Variants in GEMIN5 observed in about 807,000 individuals in gnomAD.
GEMIN5 encodes gem-associated protein 5.
GEMIN5 carries 124 observed loss-of-function variants against 176.9 expected under a neutral mutation model. The ratio of observed to expected loss-of-function variants is 0.70; its 90% CI spans 0.61 to 0.81. The LOEUF (loss-of-function observed/expected upper bound fraction) is 0.81. Among genes scored for constraint, GEMIN5 ranks in the 40% least tolerant of loss-of-function variants. The probability of loss-of-function intolerance (pLI) is 0.00; values close to 1 mark genes in which losing one functional copy is unlikely to be tolerated. For synonymous variants in GEMIN5, 673 were observed against 665.2 expected (o/e 1.01, Z -0.18); for missense variants, 1,843 against 1,814.6 (o/e 1.02, Z -0.28).
At chr5:154,898,252 A>G (rs1191123307) in intron 23 of GEMIN5, among the ~76,000 whole-genome samples, 188 bp downstream of exon 23, 1 of 152,164 alleles carries the variant, frequency 6.6e-6, no homozygotes, top group African/African-American at 2.4e-5. Flanking sequence ...GTGAATGACC[A>G]TATTATCTCT....
At chr5:154,910,933 T>C (rs1024886277) in intron 15 of GEMIN5, among the ~76,000 whole-genome samples, 5 of 151,694 alleles carry the variant, frequency 3.3e-5, no homozygotes, top group Non-Finnish European at 5.9e-5. Context: ...CTCCCGACCT[T>C]GTGATCCGCC....
Position 154,915,861 on chromosome 5 carries a change from A to G in GEMIN5, c.1855+1137T>C, listed in dbSNP as rs143906072. Among the ~76,000 whole-genome samples the G allele has an allele frequency of 3.4e-3, 518 of 152,236 alleles. 4 individuals are homozygous for G. The highest frequency in any genetic ancestry group is 4.3e-3 in the Non-Finnish European group (292 of 68,038). The stretch of plus-strand genomic sequence containing the variant: ...TATAAAAAACTACATCTTTTTACCT[A>G]GCAATTCCACTTCTAGAATTTTCTA... On this transcript the variant is annotated intron_variant, in intron 13 of 27. Transcript: ENST00000285873.
At position 154,919,495 on chromosome 5, in the gene GEMIN5, C is replaced by T. The variant is rs755392919; in HGVS notation, c.1599+472G>A. On this transcript the variant is annotated intron_variant, in intron 11 of 27. Coordinates refer to ENST00000285873, the MANE Select transcript of GEMIN5 (RefSeq NM_015465.5). ...ATTATGTGTATTATTTTTGTAGCTTCGTGTAAATCTAGAATCATTTTACTA... is the reference window on the plus strand; with the variant it reads ...ATTATGTGTATTATTTTTGTAGCTTTGTGTAAATCTAGAATCATTTTACTA... Among the ~76,000 whole-genome samples, 7 of 152,254 alleles carry T rather than the reference C, an allele frequency of 4.6e-5. No homozygotes were observed. The East Asian group carries it at 9.6e-4, about 21-fold the overall frequency.
intron 3 of GEMIN5, among the ~76,000 whole-genome samples, chr5:154,934,716 C>T (rs976457597): frequency 6.6e-6 from 1 of 152,222 alleles, no homozygotes; most frequent in African/African-American, 2.4e-5. Context: ...CCAACCATCT[C>T]CTTTCTCAAA....
Position 154,938,013 on chromosome 5 carries a change from C to G in GEMIN5, c.121G>C (p.Val41Leu), listed in dbSNP as rs1764307797. Reference protein sequence around the residue: ...AARTSVFLVRVGPGAGESPGT... With the variant: ...AARTSVFLVRLGPGAGESPGT... ...GGACTCTCGCCTGCGCCCGGGCCCA[C>G]GCGGACAAGGAAGACGGAGGTCCGC... The change falls in exon 1 of 28, where the codon GTG becomes CTG. Residue 41 changes from valine to leucine, a missense_variant. By Grantham distance (32) the Val-to-Leu change is conservative. Transcript: ENST00000285873. The G allele has an allele frequency of 6.4e-7, 1 of 1,568,968 alleles. No homozygotes were observed. The highest frequency in any genetic ancestry group is 8.6e-7 in the Non-Finnish European group (1 of 1,160,420).
chr5:154,913,733 C>T (rs768101260), intron 13 of GEMIN5, among the ~76,000 whole-genome samples: 1 of 152,090 alleles, frequency 6.6e-6, no homozygotes, highest in African/African-American at 2.4e-5. Context: ...GGGTGGACTG[C>T]TTGAGCCTGG....
intron 26 of GEMIN5, 77 bp from the exon 27 acceptor site, chr5:154,889,494 G>A: frequency 2.6e-6 from 2 of 755,478 alleles, no homozygotes; most frequent in Non-Finnish European, 4.5e-6. Flanking sequence ...ATTTTACTGT[G>A]GTAAAATGTA....
rs758665862 is a variant in GEMIN5, at chr5:154,889,397, G to A, written c.4283C>T (p.Pro1428Leu). 14 of 1,608,152 alleles carry A rather than the reference G, an allele frequency of 8.7e-6. No homozygotes were observed. Among genetic ancestry groups the A allele is most frequent in the Non-Finnish European group, 1.0e-5 (12 of 1,175,010 alleles). Residue 1428 changes from proline (P) to leucine (L), a missense_variant, in exon 27 of 28, where the codon CCA (proline) becomes CTA (leucine). Transcript: ENST00000285873. ...TTTGGTTAACTCAGGCAGAGAAAGT[G>A]GCTCATTTTTTTCTTCTTTACTAGT... ...QSQCKEEKNE[P>L]LSLPELTKRL...
At chr5:154,934,134 C>G (rs1176943720) in intron 3 of GEMIN5, among the ~76,000 whole-genome samples, 4 of 152,140 alleles carry the variant, frequency 2.6e-5, no homozygotes, top group Non-Finnish European at 5.9e-5. Flanking sequence ...TCCTGCCTCA[C>G]CCTCCTGAGT....
At chr5:154,912,009 T>A in intron 14 of GEMIN5, 111 bp from the exon 15 acceptor site, 1 of 931,368 alleles carries the variant, frequency 1.1e-6, no homozygotes. Flanking sequence ...ATCTGCGGCC[T>A]CTTATTTCCT....
rs753620845 is a variant in GEMIN5, at chr5:154,902,653, G to T, written c.2752C>A (p.His918Asn). Residue 918 changes from histidine to asparagine, a missense_variant, in exon 20 of 28, where the codon CAC becomes AAC. Physicochemically the swap from His to Asn is moderately conservative, Grantham distance 68. Transcript: ENST00000285873. ...IEGKGHLENG[H>N]PELFHQLMLW... ...ATAAGCTGGTGAAATAACTCAGGGT[G>T]GCCATTTTCTAAGTGACCTTTTCCT... The T allele has an allele frequency of 6.2e-7, 1 of 1,613,704 alleles. No homozygotes were observed. The highest frequency in any genetic ancestry group is 1.3e-5 in the African/African-American group (1 of 74,886).
intron 13 of GEMIN5, 69 bp downstream of exon 13, chr5:154,916,928 TA>T: frequency 1.3e-6 from 1 of 790,094 alleles, no homozygotes; most frequent in East Asian, 2.9e-5. Flanking sequence ...AAGTAAAAAG[TA>T]ACAAAGATTA....
rs180984584 is a variant in GEMIN5 at position 154,913,226 on chromosome 5, C to T, written c.1856-188G>A. ...GGAGTGCAATGGCGCAATGCAATGG[C>T]GCAATCTCGGCTCACTGCAACCTCC... is the stretch of plus-strand genomic sequence containing the variant. On this transcript the variant is annotated intron_variant, in intron 13 of 27. Coordinates refer to ENST00000285873, the MANE Select transcript of GEMIN5 (RefSeq NM_015465.5). 2.0e-3 allele frequency among the ~76,000 whole-genome samples: 302 copies of T among 152,086 alleles called. 2 individuals carry two copies. Among genetic ancestry groups the T allele is most frequent in the Middle Eastern group, 3.4e-3 (1 of 294 alleles).
chr5:154,913,844 A>G (rs1441378074), intron 13 of GEMIN5, among the ~76,000 whole-genome samples: 1 of 151,866 alleles, frequency 6.6e-6, no homozygotes, highest in Non-Finnish European at 1.5e-5. Context: ...CAAAAAACAA[A>G]AACCAACCTA....
chr5:154,894,558 G>T (rs1164812542), intron 24 of GEMIN5, among the ~76,000 whole-genome samples: 1 of 152,054 alleles, frequency 6.6e-6, no homozygotes, highest in Admixed American at 6.5e-5. Flanking sequence ...ATCACATGAG[G>T]TCAGAAGTTC....
At chr5:154,933,783 C>T (rs1331962630) in intron 3 of GEMIN5, among the ~76,000 whole-genome samples, 3 of 152,092 alleles carry the variant, frequency 2.0e-5, no homozygotes, top group Non-Finnish European at 4.4e-5. Context: ...ACAGATCAAG[C>T]TATTTAGAAA....
intron 15 of GEMIN5, among the ~76,000 whole-genome samples, chr5:154,910,767 C>G (rs1216212517): frequency 1.3e-5 from 2 of 152,322 alleles, no homozygotes; most frequent in East Asian, 3.9e-4. Context: ...GGCGCAATCT[C>G]GGCTCACTGC....
intron 24 of GEMIN5, among the ~76,000 whole-genome samples, chr5:154,894,365 C>G (rs903887466): frequency 6.6e-6 from 1 of 152,214 alleles, no homozygotes; most frequent in Non-Finnish European, 1.5e-5. Context: ...CACTAAGCTG[C>G]TGTAAACATT....
intron 5 of GEMIN5, among the ~76,000 whole-genome samples, chr5:154,930,607 T>C (rs1582676486): frequency 6.6e-6 from 1 of 152,150 alleles, no homozygotes; most frequent in Non-Finnish European, 1.5e-5. Context: ...ACATATCATA[T>C]GTATAACTTC....
Sources: allele counts gnomAD v4.1 joint callset (sites outside exome capture counted in the v4.1 genomes callset), GRCh38; gene constraint gnomAD v4.1.1; transcripts MANE v1.5; gene names NCBI Gene and HGNC (gene_info 2026-07-23, HGNC 2026-07-21).